The following RAB24 variants were observed in gnomAD, a reference collection of about 807,000 sequenced individuals.
RAB24 encodes RAB24, member RAS oncogene family.
RAB24 carries 9 observed loss-of-function variants against 31.4 expected under a neutral mutation model. The observed-to-expected ratio is 0.29, with a 90% confidence interval of 0.17 to 0.50. RAB24 has a LOEUF of 0.50. RAB24 is among the 20% of genes least tolerant of loss of function. The pLI is 0.98. For synonymous variants in RAB24, 106 were observed against 94.1 expected (o/e 1.13, Z -0.73); for missense variants, 197 against 265.2 (o/e 0.74, Z 1.79).
chr5:177,302,671 C>T, intron 3 of RAB24, 27 bp from the exon 4 acceptor site: 1 of 1,613,976 alleles, frequency 6.2e-7, no homozygotes, highest in African/African-American at 1.3e-5. Context: ...CAGGAGACAA[C>T]CAAGTGGTCA....
At chr5:177,302,299 A>G (rs1041493968) in intron 5 of RAB24, 98 bp downstream of exon 5, 9 of 1,553,746 alleles carry the variant, frequency 5.8e-6, no homozygotes, top group Non-Finnish European at 7.1e-6. Context: ...AAGACCTCCT[A>G]GAGCACCTTG....
At chr5:177,302,071 C>G in intron 6 of RAB24, 57 bp downstream of exon 6, 2 of 1,610,952 alleles carry the variant, frequency 1.2e-6, no homozygotes, top group East Asian at 2.2e-5. Flanking sequence ...GTGCCCTATT[C>G]AGCTTCCTCT....
Position 177,303,507 on chromosome 5 carries a change from T to C in RAB24, c.-219A>G. 1.7e-6 allele frequency: 1 copy of C among 599,498 alleles called. No individual in the cohort carries two copies. The highest frequency in any genetic ancestry group is 3.0e-5 in the Admixed American group (1 of 33,756). 37.1% of individuals were successfully genotyped at this position (599,498 alleles called of 1,614,324 possible). Reference sequence around the variant, plus strand: ...GCTGTTCGGCCCCGGGCGCCGATTATCCTTCGAAGACCCCAAGCCTCGGGG... The same window carrying C: ...GCTGTTCGGCCCCGGGCGCCGATTACCCTTCGAAGACCCCAAGCCTCGGGG... On this transcript the variant is annotated 5_prime_UTR_variant, in exon 1 of 8. Coordinates refer to ENST00000303251, the MANE Select transcript of RAB24 (RefSeq NM_001031677.4). This position sits in a 1 kb window ranked among gnomAD's most constrained non-coding sequence, Gnocchi z 6.1.
At position 177,302,445 on chromosome 5, in the gene RAB24, G is replaced by A. The variant is rs1327583834; in HGVS notation, c.385C>T (p.Arg129Trp). The A allele has an allele frequency of 2.5e-6, 4 of 1,613,788 alleles. No individual in the cohort carries two copies. The highest frequency in any genetic ancestry group is 1.7e-5 in the Admixed American group (1 of 60,030). The change falls in exon 5 of 8, where the codon CGG becomes TGG. Residue 129 changes from arginine (R) to tryptophan (W), a missense_variant. Transcript: ENST00000303251. The part of the protein sequence containing the change: ...GTKSDLLEED[R>W]RRRRVDFHDV... Reference sequence around the variant, plus strand: ...TGGAAGTCCACACGTCGACGCCTCCGGTCTTCTTCCAGCAGGTCACTCTTG... The same window carrying A: ...TGGAAGTCCACACGTCGACGCCTCCAGTCTTCTTCCAGCAGGTCACTCTTG...
intron 3 of RAB24, 23 bp downstream of exon 3, chr5:177,302,729 G>A: frequency 1.3e-6 from 2 of 1,567,212 alleles, no homozygotes; most frequent in Non-Finnish European, 8.6e-7. Flanking sequence ...TTGTGAGACA[G>A]CCCAAACCCC....
chr5:177,302,055 C>T (rs1295441179), intron 6 of RAB24, 68 bp from the exon 7 acceptor site: 4 of 1,609,628 alleles, frequency 2.5e-6, no homozygotes, highest in East Asian at 4.5e-5. Context: ...AGTGACCCAG[C>T]CCTCTGTGCC....
chr5:177,302,605 C>G lies in RAB24; in HGVS notation c.305G>C (p.Trp102Ser). 1.9e-6 allele frequency: 3 copies of G among 1,614,176 alleles called. No individual in the cohort carries two copies. The highest frequency in any genetic ancestry group is 2.5e-6 in the Non-Finnish European group (3 of 1,180,036). ...DSSSFERAKF[W>S]VKELRSLEEG... ...CTCTAGGCTGCGCAGTTCCTTCACC[C>G]AGAACTTTGCTCGCTCAAAGCTGCT... is the stretch of plus-strand genomic sequence containing the variant. The change falls in exon 4 of 8, where the codon TGG becomes TCG. Residue 102 changes from tryptophan to serine, a missense_variant. By Grantham distance (177) the Trp-to-Ser change is radical. Around this residue, in one of 2 missense-constraint regions of RAB24, gnomAD observed 148 missense variants for 159.7 expected, o/e 0.93. Transcript: ENST00000303251.
At position 177,301,908 on chromosome 5, in the gene RAB24, G is replaced by T; in HGVS notation, c.547+17C>A. On this transcript the variant is annotated intron_variant, in intron 7 of 7. Transcript: ENST00000303251. ...GGGCCTAGAGTAAGTCTCCATAAAG[G>T]CTGGGGAAGCACACACCTGTCATCA... The T allele has an allele frequency of 6.2e-7, 1 of 1,613,752 alleles. No homozygotes were observed. Among genetic ancestry groups the T allele is most frequent in the African/African-American group, 1.3e-5 (1 of 75,026 alleles).
In RAB24 at chr5:177,303,568, C is replaced by T. The variant is rs1046538779; in HGVS notation, c.-280G>A. 17 of 537,662 alleles carry T rather than the reference C, an allele frequency of 3.2e-5. No homozygotes were observed. The highest frequency in any genetic ancestry group is 1.6e-4 in the East Asian group (5 of 31,572). The allele number at this position is 537,662 out of a possible 1,614,324, so 33.3% of individuals were successfully genotyped here. ...GCGCGCGGGACAGCGTCCTCAACAGCGCAGCACGCCGCCGTGCAGCTCGCT... is the reference window on the plus strand; with the variant it reads ...GCGCGCGGGACAGCGTCCTCAACAGTGCAGCACGCCGCCGTGCAGCTCGCT... On this transcript the variant is annotated 5_prime_UTR_variant, in exon 1 of 8. Transcript: ENST00000303251. The surrounding 1 kb of genome is among the most constrained non-coding windows in gnomAD (Gnocchi z 6.1).
intron 6 of RAB24, 40 bp from the exon 7 acceptor site, chr5:177,302,027 G>A: frequency 1.2e-6 from 2 of 1,611,568 alleles, no homozygotes; most frequent in African/African-American, 1.3e-5. Flanking sequence ...CCCAATGCCA[G>A]TAGCCCTGGG....
At position 177,302,572 on chromosome 5, in the gene RAB24, C is replaced by G; in HGVS notation, c.333+5G>C. 6.2e-7 allele frequency: 1 copy of G among 1,614,224 alleles called. No homozygotes were observed. The highest frequency in any genetic ancestry group is 1.1e-5 in the South Asian group (1 of 91,090). On this transcript the variant is annotated splice_donor_5th_base_variant and intron_variant, in intron 4 of 7. Coordinates refer to ENST00000303251, the MANE Select transcript of RAB24 (RefSeq NM_001031677.4). ...CTAGTGTTCTAGTGAGGTCTGTTCA[C>G]CTACCTCCTCTAGGCTGCGCAGTTC...
chr5:177,301,438 G>A lies in RAB24; in HGVS notation c.*305C>T. The A allele has an allele frequency of 2.5e-6, 1 of 396,830 alleles. No homozygotes were observed. The highest frequency in any genetic ancestry group is 4.6e-6 in the Non-Finnish European group (1 of 215,578). The allele number at this position is 396,830 out of a possible 1,614,324, so 24.6% of individuals were successfully genotyped here. ...CTTGACACCTAATCCACACAGCAGG[G>A]AAAGGGGCTGGGTGTGATGCACAGT... On this transcript the variant is annotated 3_prime_UTR_variant, in exon 8 of 8. Coordinates refer to ENST00000303251, the MANE Select transcript of RAB24 (RefSeq NM_001031677.4).
intron 5 of RAB24, 102 bp from the exon 6 acceptor site, chr5:177,302,280 G>A (rs778023312): frequency 5.8e-6 from 9 of 1,565,006 alleles, no homozygotes; most frequent in South Asian, 1.1e-5. Context: ...ACAGTTCAAG[G>A]AGGCCAGGAA....
At position 177,301,738 on chromosome 5, in the gene RAB24, C is replaced by T. The variant is rs759787677; in HGVS notation, c.*5G>A. 1.2e-6 allele frequency: 2 copies of T among 1,614,126 alleles called. No homozygotes were observed. On this transcript the variant is annotated 3_prime_UTR_variant, in exon 8 of 8. Coordinates refer to ENST00000303251, the MANE Select transcript of RAB24 (RefSeq NM_001031677.4). ...TTAATTCCCCCAGGCCAGGTGAGTG[C>T]TGACTCAGTGATGACAACAGCTGTA...
chr5:177,301,660 T>A lies in RAB24; in HGVS notation c.*83A>T. On this transcript the variant is annotated 3_prime_UTR_variant, in exon 8 of 8. Coordinates refer to ENST00000303251, the MANE Select transcript of RAB24 (RefSeq NM_001031677.4). ...TGAGGACCTGGGGTAGCTCAGACAT[T>A]TGACTACCCAAGCCCAGAAAGGAGC... 1 of 1,521,630 alleles carries A rather than the reference T, an allele frequency of 6.6e-7. No individual in the cohort carries two copies. The highest frequency in any genetic ancestry group is 9.1e-7 in the Non-Finnish European group (1 of 1,098,936). The allele number at this position is 1,521,630 out of a possible 1,614,324, so 94.3% of individuals were successfully genotyped here.
rs1293718956 is a variant in RAB24, at chr5:177,302,774, G to A, written c.243C>T (p.Ala81=). Residue 81 remains alanine, a synonymous_variant, in exon 3 of 8, where the codon GCC becomes GCT. Coordinates refer to ENST00000303251, the MANE Select transcript of RAB24 (RefSeq NM_001031677.4). ...EAMSRIYYRG[A]KAAIVCYDLT... The stretch of plus-strand genomic sequence containing the variant: ...TACCATAGCAGACGATGGCAGCCTT[G>A]GCACCCCGATAGTAGATTCTACTCA... 1 of 1,608,432 alleles carries A rather than the reference G, an allele frequency of 6.2e-7. No homozygotes were observed. Among genetic ancestry groups the A allele is most frequent in the Non-Finnish European group, 8.5e-7 (1 of 1,178,304 alleles).
chr5:177,302,313 T>C, intron 5 of RAB24, 84 bp downstream of exon 5: 1 of 1,574,548 alleles, frequency 6.4e-7, no homozygotes, highest in Non-Finnish European at 8.7e-7. Context: ...CACCTTGCCC[T>C]GGCAGCCAAG....
Position 177,303,387 on chromosome 5 carries a change from C to G in RAB24, c.-99G>C, listed in dbSNP as rs1760753920. The stretch of plus-strand genomic sequence containing the variant: ...CAGGCAGCGCCCAAGCCTCAGACCC[C>G]GACCCCAAACGGCGCCAACCTACGA... On this transcript the variant is annotated 5_prime_UTR_variant, in exon 1 of 8. Transcript: ENST00000303251. The surrounding 1 kb of genome is among the most constrained non-coding windows in gnomAD (Gnocchi z 6.1). 1 of 1,172,514 alleles carries G rather than the reference C, an allele frequency of 8.5e-7. No individual in the cohort carries two copies. Among genetic ancestry groups the G allele is most frequent in the Non-Finnish European group, 1.2e-6 (1 of 806,646 alleles). The allele number at this position is 1,172,514 out of a possible 1,614,324, so 72.6% of individuals were successfully genotyped here. A position where few individuals can be genotyped will look rare whatever the true frequency, so the allele number is the denominator to read the frequency against.
At chr5:177,302,694 T>C in intron 3 of RAB24, 50 bp from the exon 4 acceptor site, 1 of 1,613,074 alleles carries the variant, frequency 6.2e-7, no homozygotes, top group Non-Finnish European at 8.5e-7. Flanking sequence ...GGCTGTTCTC[T>C]GGCTAGCCTG....
Sources: allele counts gnomAD v4.1 joint callset, GRCh38; gene constraint gnomAD v4.1.1; regional missense constraint gnomAD v4.1.1; non-coding constraint Gnocchi (gnomAD v3.1); transcripts MANE v1.5; gene names NCBI Gene and HGNC (gene_info 2026-07-23, HGNC 2026-07-21).